Variants in UBTF observed in about 807,000 individuals in gnomAD.
The protein encoded by UBTF is upstream binding transcription factor.
Under a neutral mutation model 112.3 loss-of-function variants are expected in UBTF, and 8 were observed. The observed-to-expected ratio is 0.07, with a 90% CI of 0.04 to 0.13. The LOEUF is 0.13. Among genes scored for constraint, UBTF ranks in the 10% least tolerant of loss-of-function variants. The pLI, the probability that UBTF is intolerant of heterozygous loss-of-function variation, is 1.00. For missense variants in UBTF, 457 were observed against 982.1 expected (o/e 0.47, Z 7.15); for synonymous variants, 417 against 373.1 (o/e 1.12, Z -1.36).
Position 44,206,943 on chromosome 17 carries a change from C to G in UBTF, c.*299G>C. On this transcript the variant is annotated 3_prime_UTR_variant, in exon 21 of 21. Coordinates refer to ENST00000436088, the MANE Select transcript of UBTF (RefSeq NM_014233.4). The stretch of plus-strand genomic sequence containing the variant: ...CCACTCTCCGGTCCATTGTCCATGC[C>G]GGAACCGCAAGTGCAGAAGTGGGTG... 2.0e-6 allele frequency: 1 copy of G among 496,588 alleles called. No homozygotes were observed. Among genetic ancestry groups the G allele is most frequent in the South Asian group, 3.5e-5 (1 of 28,418 alleles). 30.8% of individuals were successfully genotyped at this position (496,588 alleles called of 1,614,324 possible).
intron 2 of UBTF, 95 bp downstream of exon 2, chr17:44,218,077 G>A: frequency 1.6e-6 from 2 of 1,241,058 alleles, no homozygotes; most frequent in African/African-American, 1.5e-5. Flanking sequence ...TTCAGTGTAT[G>A]CAGACTGAAA....
upstream of UBTF, chr17:44,220,903 C>T (rs2047156871): frequency 6.7e-6 from 1 of 150,170 alleles, no homozygotes; most frequent in Admixed American, 6.7e-5. Context: ...ACGCGCCGCG[C>T]TCCGCCCGCC....
chr17:44,215,739 T>A lies in UBTF; in HGVS notation c.389A>T (p.Tyr130Phe). The change falls in exon 5 of 21, where the codon TAT becomes TTT. Residue 130 changes from tyrosine to phenylalanine, a missense_variant. This residue lies in a region of UBTF where 26 missense variants were observed against 132.9 expected (regional missense o/e 0.20). Coordinates refer to ENST00000436088, the MANE Select transcript of UBTF (RefSeq NM_014233.4). ...FRFFMEKRAK[Y>F]AKLHPEMSNL... ...GCTCATCTCAGGGTGGAGTTTCGCA[T>A]ACTTGGCCCGCTTCTCCATGAAGAA... is the stretch of plus-strand genomic sequence containing the variant. 6.2e-7 allele frequency: 1 copy of A among 1,614,138 alleles called. No homozygotes were observed. Among genetic ancestry groups the A allele is most frequent in the Non-Finnish European group, 8.5e-7 (1 of 1,180,022 alleles).
At position 44,207,185 on chromosome 17, in the gene UBTF, C is replaced by CA. The variant is rs747564580; in HGVS notation, c.*56dup. 24 of 1,599,164 alleles carry CA rather than the reference C, an allele frequency of 1.5e-5. No individual in the cohort carries two copies. The East Asian group carries it at 5.4e-4, about 36-fold the overall frequency. ...AACATGGGGGAGAAACAAAGGTGGT[C>CA]AGTTGGGGAGGGGAGCTCCTGGGCT... On this transcript the variant is annotated 3_prime_UTR_variant, in exon 21 of 21. Transcript: ENST00000436088.
At chr17:44,212,518 A>AAGGGGGC (rs1159445228) in intron 7 of UBTF, 64 bp from the exon 8 acceptor site, 1 of 612,440 alleles carries the variant, frequency 1.6e-6, no homozygotes, top group Non-Finnish European at 2.8e-6. Flanking sequence ...GGGAAGGGGG[A>AAGGGGGC]AGGGGGCACA....
rs778224365 is a variant in UBTF at position 44,211,083 on chromosome 17, CCTG to C, written c.1156_1158del (p.Gln386del). ...GGCTTCTTGGAGGCGGGGCTGGTGGCCTGCTTCTTGTTGATGTTCAGCATCTTC... is the reference window on the plus strand; with the variant it reads ...GGCTTCTTGGAGGCGGGGCTGGTGGCCTTCTTGTTGATGTTCAGCATCTTC... On this transcript the variant is annotated inframe_deletion, in exon 12 of 21. Coordinates refer to ENST00000436088, the MANE Select transcript of UBTF (RefSeq NM_014233.4). This position sits in a 1 kb window ranked among gnomAD's most constrained non-coding sequence, Gnocchi z 4.9. The C allele has an allele frequency of 6.2e-7, 1 of 1,612,842 alleles. No individual in the cohort carries two copies. Among genetic ancestry groups the C allele is most frequent in the East Asian group, 2.2e-5 (1 of 44,888 alleles).
At chr17:44,212,561 A>T in intron 7 of UBTF, 107 bp from the exon 8 acceptor site, 4 of 1,044,766 alleles carry the variant, frequency 3.8e-6, no homozygotes. Flanking sequence ...ATGGGAGGTC[A>T]CATCAGTGTC....
At chr17:44,214,048 T>G (rs2144545451) in intron 5 of UBTF, among the ~76,000 whole-genome samples, 2 of 152,220 alleles carry the variant, frequency 1.3e-5, no homozygotes, top group Middle Eastern at 3.4e-3. Context: ...CTCCTTCTTG[T>G]TCCTCCTTTC....
upstream of UBTF, among the ~76,000 whole-genome samples, chr17:44,220,091 G>GC: frequency 6.8e-6 from 1 of 147,776 alleles, no homozygotes; most frequent in South Asian, 2.1e-4. Context: ...GGGAAGGGGG[G>GC]GGGGGCCGGG....
intron 2 of UBTF, among the ~76,000 whole-genome samples, chr17:44,216,949 C>T (rs1001814215): frequency 6.6e-6 from 1 of 152,178 alleles, no homozygotes; most frequent in Non-Finnish European, 1.5e-5. Flanking sequence ...GTCTGGCTTG[C>T]TTCAAGGCTA....
rs1598241215 is a variant in UBTF at position 44,212,066 on chromosome 17, CA to C, written c.772-61del. On this transcript the variant is annotated intron_variant, in intron 8 of 20. Transcript: ENST00000436088. ...GGTGTGGAGTTAGCTAGGGCAGGGGCAGGGGGAGAGCCGCTGGGGAGGGCAG... is the reference window on the plus strand; with the variant it reads ...GGTGTGGAGTTAGCTAGGGCAGGGGCGGGGGAGAGCCGCTGGGGAGGGCAG... The C allele has an allele frequency of 4.6e-6, 7 of 1,521,036 alleles. No individual in the cohort carries two copies. The South Asian group carries it at 7.3e-5, about 16-fold the overall frequency. 94.2% of individuals were successfully genotyped at this position (1,521,036 alleles called of 1,614,324 possible).
rs113656053 is a variant in UBTF, at chr17:44,207,749, G to A, written c.1975C>T (p.Leu659=). The A allele has an allele frequency of 8.7e-6, 14 of 1,614,196 alleles. No individual in the cohort carries two copies. The highest frequency in any genetic ancestry group is 5.3e-5 in the African/African-American group (4 of 75,038). Residue 659 remains leucine (L), a synonymous_variant, in exon 19 of 21, where the codon CTG becomes TTG. Transcript: ENST00000436088. ...CTGGATTTGGGGTTTGGGCCTCGCA[G>A]CTTGGTCATGCTCTTACGTTTCTGC... ...ISNKRKSMTK[L]RGPNPKSSRT... is the part of the protein sequence containing the mutation.
upstream of UBTF, chr17:44,221,071 C>T (rs1248501592): frequency 6.6e-6 from 1 of 151,068 alleles, no homozygotes; most frequent in Non-Finnish European, 1.5e-5. Flanking sequence ...CCTTCCCTCC[C>T]ACTGCTCTAG....
At chr17:44,208,958 G>A (rs1290295411) in intron 17 of UBTF, 2 of 340,430 alleles carry the variant, frequency 5.9e-6, no homozygotes, top group Non-Finnish European at 1.2e-5. Flanking sequence ...GCCGAGGTGG[G>A]CGGATCACAT....
chr17:44,220,523 C>G (rs1029341482), upstream of UBTF, among the ~76,000 whole-genome samples: 1 of 150,968 alleles, frequency 6.6e-6, no homozygotes, highest in Non-Finnish European at 1.5e-5. Context: ...AACCCGAAAA[C>G]TAAAACCTCT....
upstream of UBTF, among the ~76,000 whole-genome samples, chr17:44,220,250 C>T (rs1203587965): frequency 1.3e-5 from 2 of 151,768 alleles, no homozygotes; most frequent in Non-Finnish European, 2.9e-5. Flanking sequence ...GAGAGGGTGC[C>T]CGGAGGTGCC....
chr17:44,212,184 G>A, intron 8 of UBTF, 160 bp downstream of exon 8: 1 of 407,412 alleles, frequency 2.5e-6, no homozygotes, highest in South Asian at 1.9e-5. Flanking sequence ...TCATGGGGGT[G>A]GGGGGTGGGG....
intron 3 of UBTF, 135 bp downstream of exon 3, chr17:44,216,394 G>A (rs1451777709): frequency 1.9e-6 from 2 of 1,032,160 alleles, no homozygotes; most frequent in Non-Finnish European, 2.9e-6. Context: ...ATGCAAAGGG[G>A]CAGGTAGAGA....
rs538827056 is a variant in UBTF at position 44,212,537 on chromosome 17, C to T, written c.661-83G>A. 2,033 of 1,067,500 alleles carry T rather than the reference C, an allele frequency of 1.9e-3. 16 individuals are homozygous for T. Among genetic ancestry groups the T allele is most frequent in the Non-Finnish European group, 2.2e-3 (1,650 of 738,338 alleles). The allele number at this position is 1,067,500 out of a possible 1,614,324, so 66.1% of individuals were successfully genotyped here. ...AGGGGGAAGGGGGCACAGAGGCCCC[C>T]GCCCCCTCAGGCCATGGGAGGTCAC... On this transcript the variant is annotated intron_variant, in intron 7 of 20. Coordinates refer to ENST00000436088, the MANE Select transcript of UBTF (RefSeq NM_014233.4).
Sources: gnomAD v4.1 joint callset for allele counts (sites outside exome capture counted in the v4.1 genomes callset) on GRCh38, gnomAD v4.1.1 for gene constraint, gnomAD v4.1.1 regional missense constraint, Gnocchi (gnomAD v3.1) non-coding constraint, MANE v1.5 for transcripts, NCBI Gene and HGNC (gene_info 2026-07-23, HGNC 2026-07-21) for gene names.